Variants in CCDC32 observed in about 807,000 individuals in gnomAD.
CCDC32 encodes the protein coiled-coil domain-containing protein 32.
Under a neutral mutation model 20.1 loss-of-function variants are expected in CCDC32, and 9 were observed. The ratio of observed to expected loss-of-function variants is 0.45; its 90% confidence interval spans 0.27 to 0.78. The LOEUF is 0.78. CCDC32 is among the 30% of genes least tolerant of loss of function. CCDC32 has a pLI of 0.16. For missense variants in CCDC32, 204 were observed against 215.5 expected (o/e 0.95, Z 0.33); for synonymous variants, 63 against 79.0 (o/e 0.80, Z 1.07).
At chr15:40,541,411 C>T (rs1453122308) in intron 3 of CCDC32, among the ~76,000 whole-genome samples, 1 of 151,648 alleles carries the variant, frequency 6.6e-6, no homozygotes, top group Non-Finnish European at 1.5e-5. Context: ...CGGCTCACTG[C>T]AACCTCCGCC....
intron 3 of CCDC32, among the ~76,000 whole-genome samples, chr15:40,539,840 C>CCACA (rs142688774): frequency 0.1 from 14,028 of 134,498 alleles, 1,331 homozygotes; most frequent in African/African-American, 0.26. Flanking sequence ...CAAACTGTTG[C>CCACA]CACACACACA....
chr15:40,540,905 G>A (rs541423611), intron 3 of CCDC32, among the ~76,000 whole-genome samples: 1 of 152,310 alleles, frequency 6.6e-6, no homozygotes, highest in East Asian at 1.9e-4. Context: ...CAAGAAGGAA[G>A]ACTTGAACCC....
Position 40,553,903 on chromosome 15 carries a change from GGC to G in CCDC32, c.*66_*67del, listed in dbSNP as rs1890038454. On this transcript the variant is annotated 3_prime_UTR_variant, in exon 4 of 4. Transcript: ENST00000416810. Reference sequence around the variant, plus strand: ...CGCTCTGGACCCGAGACAGCTGCTCGGCGTGTGTGTGTGTGTGTGTGTGTGTG... The same window carrying G: ...CGCTCTGGACCCGAGACAGCTGCTCGGTGTGTGTGTGTGTGTGTGTGTGTG... 1 of 1,357,116 alleles carries G rather than the reference GGC, an allele frequency of 7.4e-7. No individual in the cohort carries two copies. Among genetic ancestry groups the G allele is most frequent in the East Asian group, 2.6e-5 (1 of 38,034 alleles). The allele number at this position is 1,357,116 out of a possible 1,614,324, so 84.1% of individuals were successfully genotyped here. A position where few individuals can be genotyped will look rare whatever the true frequency, so the allele number is the denominator to read the frequency against.
At chr15:40,544,740 T>C (rs943002821) in intron 3 of CCDC32, among the ~76,000 whole-genome samples, 1 of 152,118 alleles carries the variant, frequency 6.6e-6, no homozygotes, top group Non-Finnish European at 1.5e-5. Flanking sequence ...GGATTTTTTT[T>C]TTTCAACAGC....
chr15:40,561,113 G>A (rs548767762), intron 2 of CCDC32, among the ~76,000 whole-genome samples: 1 of 152,256 alleles, frequency 6.6e-6, no homozygotes, highest in African/African-American at 2.4e-5. Flanking sequence ...ACTCAGGAAT[G>A]GAAAACAAAA....
At chr15:40,557,526 G>A (rs1459760126) in intron 2 of CCDC32, 154 bp from the exon 3 acceptor site, 2 of 647,264 alleles carry the variant, frequency 3.1e-6, no homozygotes, top group Non-Finnish European at 4.9e-6. Flanking sequence ...CAGATAAAAG[G>A]GAATTGAACA....
intron 3 of CCDC32, among the ~76,000 whole-genome samples, chr15:40,541,049 G>A (rs189291497): frequency 6.6e-6 from 1 of 152,316 alleles, no homozygotes; most frequent in East Asian, 1.9e-4. Context: ...GGCGGATCCT[G>A]GCCTGGGCGG....
At chr15:40,564,694 T>C in intron 1 of CCDC32, 2 of 1,607,498 alleles carry the variant, frequency 1.2e-6, no homozygotes, top group Non-Finnish European at 1.7e-6. Flanking sequence ...CTGGGTGAAC[T>C]GATGTCTAGC....
chr15:40,559,363 T>C (rs1008316343), intron 2 of CCDC32, among the ~76,000 whole-genome samples: 10 of 152,220 alleles, frequency 6.6e-5, no homozygotes, highest in Non-Finnish European at 1.5e-4. Flanking sequence ...GCTGGGATTA[T>C]AGGTGTGAGC....
At chr15:40,541,111 T>C (rs1435977834) in intron 3 of CCDC32, among the ~76,000 whole-genome samples, 5 of 152,174 alleles carry the variant, frequency 3.3e-5, no homozygotes, top group Non-Finnish European at 5.9e-5. Context: ...CTCCAGCCCA[T>C]TTCTGTGACC....
At chr15:40,564,067 GC>G (rs1299815727) in intron 1 of CCDC32, among the ~76,000 whole-genome samples, 1 of 152,040 alleles carries the variant, frequency 6.6e-6, no homozygotes, top group Non-Finnish European at 1.5e-5. Flanking sequence ...TGATCCGCCC[GC>G]CTCGGCCTCC....
chr15:40,522,322 T>G, the CCDC32 span, among the ~76,000 whole-genome samples: 974 of 152,340 alleles, frequency 6.4e-3, 12 homozygotes, highest in African/African-American at 0.022. Flanking sequence ...TTTATGTCTA[T>G]CCTTATGGCA....
At chr15:40,538,412 C>T (rs1889224705), downstream of CCDC32, 2 of 152,350 alleles carry the variant, frequency 1.3e-5, no homozygotes, top group African/African-American at 2.4e-5. Context: ...CTGCACCCCT[C>T]GCCTCTCCCT....
downstream of CCDC32, among the ~76,000 whole-genome samples, chr15:40,552,448 T>C (rs890394428): frequency 2.3e-5 from 3 of 129,430 alleles, no homozygotes; most frequent in African/African-American, 9.2e-5. Flanking sequence ...GCCATTGCAC[T>C]CGAGCCTGGG....
chr15:40,523,882 T>C (rs1422003538), downstream of CCDC32, among the ~76,000 whole-genome samples: 1 of 152,178 alleles, frequency 6.6e-6, no homozygotes, highest in East Asian at 1.9e-4. Flanking sequence ...TTAGAAAACA[T>C]ATTGGCAGTT....
At chr15:40,536,105 A>G (rs1256549390), downstream of CCDC32, 1 of 152,164 alleles carries the variant, frequency 6.6e-6, no homozygotes, top group Admixed American at 6.5e-5. Context: ...GAGTCCCCCA[A>G]AGGGGTCCCA....
chr15:40,539,840 C>CACACACACACACA (rs1555413863), intron 3 of CCDC32, among the ~76,000 whole-genome samples: 8 of 134,632 alleles, frequency 5.9e-5, no homozygotes, highest in South Asian at 2.6e-4. Context: ...CAAACTGTTG[C>CACACACACACACA]CACACACACA....
At chr15:40,546,782 A>G (rs1013117499) in intron 3 of CCDC32, among the ~76,000 whole-genome samples, 1 of 151,300 alleles carries the variant, frequency 6.6e-6, no homozygotes, top group Non-Finnish European at 1.5e-5. Flanking sequence ...GCTCACTGCA[A>G]CCTCACCCTC....
At position 40,555,838 on chromosome 15, in the gene CCDC32, C is replaced by T. The variant is rs547802889; in HGVS notation, c.401+1378G>A. Reference sequence around the variant, plus strand: ...TTGGAAACTCAAGTTAAATCACATTCCCCTAAGATCTTTTGTTAAAATTCA... The same window carrying T: ...TTGGAAACTCAAGTTAAATCACATTTCCCTAAGATCTTTTGTTAAAATTCA... On this transcript the variant is annotated intron_variant, in intron 3 of 3. Transcript: ENST00000416810. Among the ~76,000 whole-genome samples, 10 of 151,986 alleles carry T rather than the reference C, an allele frequency of 6.6e-5. No homozygotes were observed. The South Asian group carries it at 2.1e-3, about 32-fold the overall frequency.
Sources: gnomAD v4.1 joint callset for allele counts (sites outside exome capture counted in the v4.1 genomes callset) on GRCh38, gnomAD v4.1.1 for gene constraint, MANE v1.5 for transcripts, NCBI Gene and HGNC (gene_info 2026-07-23, HGNC 2026-07-21) for gene names.